Variants in SIAH3 observed in about 807,000 individuals in gnomAD.
SIAH3 encodes seven in absentia homolog 3.
In SIAH3, 9 loss-of-function variants were observed where a neutral mutation model predicts 12.6. The observed-to-expected ratio is 0.72, with a 90% CI of 0.43 to 1.25. The LOEUF is 1.25. Ranked by LOEUF, SIAH3 falls within the 50% of genes most tolerant of loss-of-function variation. The probability of loss-of-function intolerance (pLI) is 0.00; values close to 1 mark genes in which losing one functional copy is unlikely to be tolerated. For synonymous variants in SIAH3, 154 were observed against 151.1 expected (o/e 1.02, Z -0.14); for missense variants, 390 against 365.4 (o/e 1.07, Z -0.55).
At chr13:45,837,129 C>T (rs889810582) in intron 1 of SIAH3, among the ~76,000 whole-genome samples, 3 of 152,192 alleles carry the variant, frequency 2.0e-5, no homozygotes, top group Non-Finnish European at 4.4e-5. Flanking sequence ...AAAACATCTT[C>T]CCAGCTCTCC....
intron 1 of SIAH3, among the ~76,000 whole-genome samples, chr13:45,799,785 C>A (rs1305982134): frequency 2.0e-5 from 3 of 152,220 alleles, no homozygotes; most frequent in Non-Finnish European, 2.9e-5. Context: ...TCCAAGCTGA[C>A]TTTTCCCTGC....
chr13:45,814,143 G>C (rs1950625912), intron 1 of SIAH3, among the ~76,000 whole-genome samples: 1 of 150,798 alleles, frequency 6.6e-6, no homozygotes, highest in Admixed American at 6.6e-5. Flanking sequence ...GGAGGCTGAG[G>C]CAGGAGAATG....
At chr13:45,843,079 T>C (rs1950746658) in intron 1 of SIAH3, among the ~76,000 whole-genome samples, 1 of 149,906 alleles carries the variant, frequency 6.7e-6, no homozygotes, top group Non-Finnish European at 1.5e-5. Context: ...CAGGTTGGAG[T>C]GTAGGCAACT....
chr13:45,793,851 CTAAG>C (rs1950554155), intron 1 of SIAH3, among the ~76,000 whole-genome samples: 1 of 152,206 alleles, frequency 6.6e-6, no homozygotes, highest in African/African-American at 2.4e-5. Flanking sequence ...GTAGATGTAA[CTAAG>C]TTAAAGACCT....
At chr13:45,845,146 A>G (rs1950754151) in intron 1 of SIAH3, among the ~76,000 whole-genome samples, 1 of 150,748 alleles carries the variant, frequency 6.6e-6, no homozygotes, top group Admixed American at 6.6e-5. Context: ...AGATGTATAC[A>G]TTGTGTAGAG....
intron 1 of SIAH3, among the ~76,000 whole-genome samples, chr13:45,825,777 T>C (rs1313856069): frequency 6.6e-6 from 1 of 152,210 alleles, no homozygotes; most frequent in Non-Finnish European, 1.5e-5. Flanking sequence ...ATATCATACC[T>C]GTTCTGGCTA....
At position 45,783,208 on chromosome 13, in the gene SIAH3, T is replaced by C. The variant is rs1593373304; in HGVS notation, c.*175A>G. ...GGATGTTTACATAATATAATGCCCA[T>C]GGCAGACAAAAACTAAATCTCACAA... On this transcript the variant is annotated 3_prime_UTR_variant, in exon 2 of 2. Transcript: ENST00000400405. 7 of 395,054 alleles carry C rather than the reference T, an allele frequency of 1.8e-5. No homozygotes were observed. The South Asian group carries it at 5.3e-4, about 30-fold the overall frequency. The allele number at this position is 395,054 out of a possible 1,614,324, so 24.5% of individuals were successfully genotyped here. A position where few individuals can be genotyped will look rare whatever the true frequency, so the allele number is the denominator to read the frequency against.
At chr13:45,809,266 T>C (rs1017425283) in intron 1 of SIAH3, among the ~76,000 whole-genome samples, 41 of 152,246 alleles carry the variant, frequency 2.7e-4, no homozygotes, top group African/African-American at 9.9e-4. Flanking sequence ...TAAGTTTTGT[T>C]CCACCCTTAA....
chr13:45,826,142 T>C (rs1950673801), intron 1 of SIAH3, among the ~76,000 whole-genome samples: 1 of 152,242 alleles, frequency 6.6e-6, no homozygotes, highest in East Asian at 1.9e-4. Context: ...CATAGAAGCT[T>C]GTTTTAATTC....
At chr13:45,786,037 A>G (rs907354105) in intron 1 of SIAH3, among the ~76,000 whole-genome samples, 3 of 152,222 alleles carry the variant, frequency 2.0e-5, no homozygotes, top group African/African-American at 4.8e-5. Context: ...GAAAAGATCA[A>G]TTTCCTTATT....
chr13:45,802,792 C>T (rs557126493), intron 1 of SIAH3, among the ~76,000 whole-genome samples: 8 of 152,330 alleles, frequency 5.3e-5, no homozygotes, highest in African/African-American at 1.9e-4. Context: ...CAGCTGCAGG[C>T]CAGGCGTGGT....
intron 1 of SIAH3, among the ~76,000 whole-genome samples, chr13:45,794,152 G>A (rs1429311990): frequency 6.6e-6 from 1 of 151,628 alleles, no homozygotes; most frequent in Non-Finnish European, 1.5e-5. Flanking sequence ...GAGTACAGTG[G>A]TGTGATCTTG....
In SIAH3 at chr13:45,780,456, T is replaced by A. The variant is rs111488832; in HGVS notation, c.*2927A>T. The A allele has an allele frequency of 6.6e-6, 1 of 151,760 alleles. No individual in the cohort carries two copies. The highest frequency in any genetic ancestry group is 1.5e-5 in the Non-Finnish European group (1 of 68,078). The allele number at this position is 151,760 out of a possible 1,614,324, so 9.4% of individuals were successfully genotyped here. A position where few individuals can be genotyped will look rare whatever the true frequency, so the allele number is the denominator to read the frequency against. On this transcript the variant is annotated 3_prime_UTR_variant, in exon 2 of 2. Transcript: ENST00000400405. ...CAGCTGATTTTTTTTTTTGTAGAAA[T>A]GAAGTCTCGCTATATTGCCCAGGCT...
intron 1 of SIAH3, among the ~76,000 whole-genome samples, chr13:45,811,943 T>C (rs1193939769): frequency 2.6e-5 from 4 of 152,224 alleles, no homozygotes; most frequent in Admixed American, 2.6e-4. Context: ...AGAAGGGTTC[T>C]GGCCTGGGCA....
At chr13:45,823,513 T>G (rs540328903) in intron 1 of SIAH3, among the ~76,000 whole-genome samples, 4 of 152,218 alleles carry the variant, frequency 2.6e-5, no homozygotes, top group Admixed American at 6.5e-5. Context: ...TTTCTTTTCC[T>G]TTGTGAAATC....
chr13:45,812,282 A>T (rs768884902), intron 1 of SIAH3, among the ~76,000 whole-genome samples: 5 of 152,184 alleles, frequency 3.3e-5, no homozygotes, highest in Non-Finnish European at 7.3e-5. Flanking sequence ...CCTAAACCCC[A>T]GGAAAGGGGA....
At chr13:45,790,931 T>C in intron 1 of SIAH3, among the ~76,000 whole-genome samples, 1 of 152,200 alleles carries the variant, frequency 6.6e-6, no homozygotes, top group East Asian at 1.9e-4. Flanking sequence ...TCTGTACTCC[T>C]AGCACTTTGG....
rs138068879 is a variant in SIAH3, at chr13:45,803,095, T to C, written c.136-19038A>G. ...AAAAAAAAAAAAGGCAGCCGCAGAC[T>C]AGAAAGCCTGTTTGGCAGGGTGTGG... is the stretch of plus-strand genomic sequence containing the variant. On this transcript the variant is annotated intron_variant, in intron 1 of 1. Transcript: ENST00000400405. 1.4e-4 allele frequency among the ~76,000 whole-genome samples: 21 copies of C among 150,758 alleles called. No individual in the cohort carries two copies. The East Asian group carries it at 4.1e-3, about 29-fold the overall frequency.
At chr13:45,792,807 T>C (rs768865230) in intron 1 of SIAH3, among the ~76,000 whole-genome samples, 3 of 152,242 alleles carry the variant, frequency 2.0e-5, no homozygotes, top group African/African-American at 7.2e-5. Context: ...GGCAGACTTG[T>C]AGTCAAACCA....
Sources: allele counts gnomAD v4.1 joint callset (sites outside exome capture counted in the v4.1 genomes callset), GRCh38; gene constraint gnomAD v4.1.1; transcripts MANE v1.5; gene names NCBI Gene and HGNC (gene_info 2026-07-23, HGNC 2026-07-21).